The following ZNF469 variants were observed in gnomAD, a reference collection of about 807,000 sequenced individuals.
The protein encoded by ZNF469 is zinc finger protein 469.
In ZNF469, 1 loss-of-function variant was observed where a neutral mutation model predicts 1.0. The observed-to-expected ratio is 1.00, with a 90% CI of 0.35 to 4.73. The LOEUF (loss-of-function observed/expected upper bound fraction) is 4.73, where lower values mean the gene tolerates loss of function less well. ZNF469 is among the 30% of genes most tolerant of loss of function. ZNF469 has a pLI of 0.16. For synonymous variants in ZNF469, 2,703 were observed against 2,363.4 expected, an observed-to-expected ratio of 1.14 and a Z score of -4.17; for missense variants, 6,100 against 5,356.3, an observed-to-expected ratio of 1.14 and a Z score of -4.33.
the ZNF469 span, among the ~76,000 whole-genome samples, chr16:88,275,041 C>T: frequency 1.3e-5 from 2 of 152,280 alleles, no homozygotes; most frequent in East Asian, 3.9e-4. Context: ...AGGGGGTTTC[C>T]GGGAAGCCTG....
the ZNF469 span, among the ~76,000 whole-genome samples, chr16:88,152,561 CT>C: frequency 6.6e-6 from 1 of 152,208 alleles, no homozygotes; most frequent in Admixed American, 6.5e-5. This position sits in a 1 kb window ranked among gnomAD's most constrained non-coding sequence, Gnocchi z 4.2. Flanking sequence ...TTGAGCCCCC[CT>C]GTGCCAGCCC....
the ZNF469 span, among the ~76,000 whole-genome samples, chr16:88,177,045 G>A: frequency 6.6e-6 from 1 of 152,234 alleles, no homozygotes; most frequent in African/African-American, 2.4e-5. The surrounding 1 kb of genome is among the most constrained non-coding windows in gnomAD (Gnocchi z 4.8). Flanking sequence ...GAAGGCACCC[G>A]TGCACGTCTC....
rs758193918 is a variant in ZNF469 at position 88,428,433 on chromosome 16, C to T, written c.963C>T (p.Gly321=). 2.4e-4 allele frequency: 365 copies of T among 1,547,942 alleles called. No homozygotes were observed. Among genetic ancestry groups the T allele is most frequent in the Non-Finnish European group, 2.9e-4 (329 of 1,146,760 alleles). ...GAWPEEAVGT[G]PAYPLPTQPA... Reference sequence around the variant, plus strand: ...GGCCGGAGGAGGCCGTGGGCACGGGCCCTGCCTACCCGCTGCCCACCCAGC... The same window carrying T: ...GGCCGGAGGAGGCCGTGGGCACGGGTCCTGCCTACCCGCTGCCCACCCAGC... The change falls in exon 3 of 3, where the codon GGC becomes GGT. Residue 321 remains glycine, a synonymous_variant. Transcript: ENST00000565624.
the ZNF469 span, among the ~76,000 whole-genome samples, chr16:88,312,802 C>T: frequency 3.9e-5 from 6 of 152,174 alleles, no homozygotes; most frequent in Non-Finnish European, 8.8e-5. Context: ...ACTGATGGGT[C>T]CACCCATCTT....
At chr16:88,352,079 G>A in the ZNF469 span, among the ~76,000 whole-genome samples, 1 of 152,208 alleles carries the variant, frequency 6.6e-6, no homozygotes, top group Admixed American at 6.5e-5. Flanking sequence ...ACCCGGAACA[G>A]GCACACACAG....
the ZNF469 span, among the ~76,000 whole-genome samples, chr16:88,201,047 G>A: frequency 5.3e-5 from 8 of 152,322 alleles, no homozygotes; most frequent in African/African-American, 1.4e-4. The surrounding 1 kb of genome is among the most constrained non-coding windows in gnomAD (Gnocchi z 5.0). Context: ...GGAGCCAGAG[G>A]CTGGGCCCCT....
At chr16:88,131,459 C>T in the ZNF469 span, among the ~76,000 whole-genome samples, 7 of 113,642 alleles carry the variant, frequency 6.2e-5, no homozygotes, top group Non-Finnish European at 7.9e-5. Context: ...GTTAGAACCT[C>T]TCGGCTTTCC....
At chr16:88,122,867 G>A in the ZNF469 span, among the ~76,000 whole-genome samples, 1 of 151,916 alleles carries the variant, frequency 6.6e-6, no homozygotes, top group Non-Finnish European at 1.5e-5. Flanking sequence ...TTTAGAGATG[G>A]CGTCTCACTC....
At chr16:88,179,575 T>G in the ZNF469 span, among the ~76,000 whole-genome samples, 1 of 152,182 alleles carries the variant, frequency 6.6e-6, no homozygotes, top group African/African-American at 2.4e-5. Flanking sequence ...GTGAACTTGC[T>G]ATAAATTCAG....
chr16:88,170,638 A>G, the ZNF469 span, among the ~76,000 whole-genome samples: 1 of 152,090 alleles, frequency 6.6e-6, no homozygotes, highest in Non-Finnish European at 1.5e-5. This position sits in a 1 kb window ranked among gnomAD's most constrained non-coding sequence, Gnocchi z 4.2. Flanking sequence ...AGGCTGTAGC[A>G]TGCTCCGTCA....
chr16:88,267,710 TGGG>T, the ZNF469 span, among the ~76,000 whole-genome samples: 1 of 149,672 alleles, frequency 6.7e-6, no homozygotes, highest in African/African-American at 2.5e-5. Flanking sequence ...GTGCACCTGT[TGGG>T]GGATTGACTT....
the ZNF469 span, among the ~76,000 whole-genome samples, chr16:88,167,512 C>T: frequency 6.6e-6 from 1 of 152,222 alleles, no homozygotes; most frequent in African/African-American, 2.4e-5. Context: ...ACCGCCACTG[C>T]CCCCAGCCCA....
At chr16:88,372,100 AT>A in the ZNF469 span, among the ~76,000 whole-genome samples, 54 of 125,230 alleles carry the variant, frequency 4.3e-4, 1 homozygote, top group East Asian at 7.5e-3. Flanking sequence ...CATCACCACC[AT>A]CATCACCATC....
chr16:88,166,049 C>T, the ZNF469 span, among the ~76,000 whole-genome samples: 84 of 152,382 alleles, frequency 5.5e-4, no homozygotes, highest in South Asian at 0.016. This position sits in a 1 kb window ranked among gnomAD's most constrained non-coding sequence, Gnocchi z 4.5. Context: ...CTGAGGCCCA[C>T]GCCAGTGAGG....
At chr16:88,410,671 C>G (rs12598293) in intron 1 of ZNF469, among the ~76,000 whole-genome samples, 123,794 of 145,096 alleles carry the variant, frequency 0.85, 53,484 homozygotes, top group South Asian at 0.96. Flanking sequence ...GTCACGTGGT[C>G]ATGGAGAAGT....
At chr16:88,361,211 C>T in the ZNF469 span, among the ~76,000 whole-genome samples, 1 of 152,146 alleles carries the variant, frequency 6.6e-6, no homozygotes, top group African/African-American at 2.4e-5. Context: ...TGCCACTGAT[C>T]TGACAGGAAG....
the ZNF469 span, among the ~76,000 whole-genome samples, chr16:88,144,669 C>T: frequency 1.3e-5 from 2 of 152,180 alleles, no homozygotes; most frequent in Admixed American, 1.3e-4. Flanking sequence ...CCCGTGTGGC[C>T]CAGCGAAATC....
chr16:88,105,796 G>A, the ZNF469 span, among the ~76,000 whole-genome samples: 36 of 152,340 alleles, frequency 2.4e-4, no homozygotes, highest in Non-Finnish European at 4.6e-4. Context: ...GGGGGATAAC[G>A]GCACGTGTGC....
At chr16:88,418,624 A>T (rs1358905304) in intron 1 of ZNF469, among the ~76,000 whole-genome samples, 1 of 151,606 alleles carries the variant, frequency 6.6e-6, no homozygotes, top group Non-Finnish European at 1.5e-5. Context: ...CCTCCTGTTA[A>T]AGGATCTCGA....
Sources: gnomAD v4.1 joint callset for allele counts (sites outside exome capture counted in the v4.1 genomes callset) on GRCh38, gnomAD v4.1.1 for gene constraint, Gnocchi (gnomAD v3.1) non-coding constraint, MANE v1.5 for transcripts, NCBI Gene and HGNC (gene_info 2026-07-23, HGNC 2026-07-21) for gene names.